Variants in PRUNE2 observed in about 807,000 individuals in gnomAD.
PRUNE2 encodes prune homolog 2 with BCH domain.
In PRUNE2, 164 loss-of-function variants were observed where a neutral mutation model predicts 252.0. That is an observed-to-expected ratio of 0.65 (90% CI 0.57 to 0.74). The LOEUF is 0.74. Ranked by LOEUF, PRUNE2 falls within the 30% of genes least tolerant of loss-of-function variation. The pLI is 0.00. For missense variants in PRUNE2, 3,495 were observed against 3,711.0 expected (o/e 0.94, Z 1.51); for synonymous variants, 1,292 against 1,350.2 (o/e 0.96, Z 0.94).
chr9:76,666,489 A>T (rs2040203211), intron 9 of PRUNE2, among the ~76,000 whole-genome samples: 1 of 152,176 alleles, frequency 6.6e-6, no homozygotes, highest in South Asian at 2.1e-4. Context: ...AAGTACTAAA[A>T]GTCTCTGATA....
intron 1 of PRUNE2, among the ~76,000 whole-genome samples, chr9:76,863,886 A>G: frequency 6.6e-6 from 1 of 152,326 alleles, no homozygotes; most frequent in African/African-American, 2.4e-5. Flanking sequence ...CAGCTTGGAG[A>G]TTTCTCAAAG....
At chr9:76,682,629 A>C (rs2043594730) in intron 9 of PRUNE2, among the ~76,000 whole-genome samples, 1 of 152,150 alleles carries the variant, frequency 6.6e-6, no homozygotes, top group Non-Finnish European at 1.5e-5. Context: ...TTAGCCTCCC[A>C]AAGTGCTGGG....
intron 5 of PRUNE2, among the ~76,000 whole-genome samples, chr9:76,826,049 C>G (rs2058327166): frequency 6.6e-6 from 1 of 152,170 alleles, no homozygotes; most frequent in African/African-American, 2.4e-5. Flanking sequence ...ATGAATTAAC[C>G]ACACATCCAG....
rs1349442580 is a variant in PRUNE2, at chr9:76,708,854, G to T, written c.3420C>A (p.Asp1140Glu). ...TGGGGATTGCCGCACCCCCACTGCA[G>T]TCATCCCAGTCCAAATCATTGTCCA... is the stretch of plus-strand genomic sequence containing the variant. Reference protein sequence around the residue: ...SDMDNDLDWDDCSGGAAIPSD... With the variant: ...SDMDNDLDWDECSGGAAIPSD... The change falls in exon 8 of 19, where the codon GAC (aspartate) becomes GAA (glutamate). Residue 1140 changes from aspartate to glutamate, a missense_variant. Coordinates refer to ENST00000376718, the MANE Select transcript of PRUNE2 (RefSeq NM_015225.3). 1 of 1,613,978 alleles carries T rather than the reference G, an allele frequency of 6.2e-7. No homozygotes were observed. Among genetic ancestry groups the T allele is most frequent in the African/African-American group, 1.3e-5 (1 of 75,034 alleles).
chr9:76,903,876 C>A (rs1033465988), intron 1 of PRUNE2, among the ~76,000 whole-genome samples: 7 of 152,332 alleles, frequency 4.6e-5, no homozygotes, highest in African/African-American at 1.7e-4. Context: ...GCGTGAGCCA[C>A]CACACCCGGC....
Position 76,702,745 on chromosome 9 carries a change from T to G in PRUNE2, c.8276+592A>C, listed in dbSNP as rs114807222. Among the ~76,000 whole-genome samples the G allele has an allele frequency of 7.7e-3, 1,180 of 152,326 alleles. 10 individuals are homozygous for G. The highest frequency in any genetic ancestry group is 0.026 in the African/African-American group (1,066 of 41,562). Reference sequence around the variant, plus strand: ...TCTTATCTAACTATAAGTTAGGTGCTTACATAAAACCAGAAAATGCCTTGT... The same window carrying G: ...TCTTATCTAACTATAAGTTAGGTGCGTACATAAAACCAGAAAATGCCTTGT... On this transcript the variant is annotated intron_variant, in intron 9 of 18. Transcript: ENST00000376718.
In PRUNE2 at chr9:76,707,904, G is replaced by C; in HGVS notation, c.4370C>G (p.Ser1457Cys). 1 of 1,613,864 alleles carries C rather than the reference G, an allele frequency of 6.2e-7. No individual in the cohort carries two copies. The highest frequency in any genetic ancestry group is 8.5e-7 in the Non-Finnish European group (1 of 1,179,824). Residue 1457 changes from serine (S) to cysteine (C), a missense_variant, in exon 8 of 19, where the codon TCT becomes TGT. Physicochemically the swap from Ser to Cys is moderately radical, Grantham distance 112. Coordinates refer to ENST00000376718, the MANE Select transcript of PRUNE2 (RefSeq NM_015225.3). ...TTTCTCAAGATCCTTTTCAGGTACA[G>C]ATACATATTTTGTGAAATTCATCCC... Reference protein sequence around the residue: ...SDGMNFTKYVSVPEKDLEKTE... With the variant: ...SDGMNFTKYVCVPEKDLEKTE...
Position 76,884,611 on chromosome 9 carries a change from T to C in PRUNE2, c.36+21317A>G, listed in dbSNP as rs551916274. ...AAGAACTGATTCTTGTTCCCCAACT[T>C]TCCACTGCCAGTGATCTCTTTCATT... On this transcript the variant is annotated intron_variant, in intron 1 of 18. Coordinates refer to ENST00000376718, the MANE Select transcript of PRUNE2 (RefSeq NM_015225.3). 2.0e-5 allele frequency among the ~76,000 whole-genome samples: 3 copies of C among 152,354 alleles called. No homozygotes were observed. In the South Asian group the frequency reaches 6.2e-4, roughly 32 times the overall value.
intron 6 of PRUNE2, among the ~76,000 whole-genome samples, chr9:76,752,370 T>TA (rs2050709938): frequency 6.6e-6 from 1 of 152,162 alleles, no homozygotes; most frequent in African/African-American, 2.4e-5. Flanking sequence ...GTGCTGGGAT[T>TA]ACAGGCGTGA....
chr9:76,624,216 A>G (rs1015212764), intron 17 of PRUNE2, among the ~76,000 whole-genome samples: 3 of 152,114 alleles, frequency 2.0e-5, no homozygotes, highest in African/African-American at 7.3e-5. Flanking sequence ...TTGCGTGTAC[A>G]TTAAAAAACA....
At chr9:76,821,747 C>G (rs1375326324) in intron 6 of PRUNE2, among the ~76,000 whole-genome samples, 1 of 152,124 alleles carries the variant, frequency 6.6e-6, no homozygotes, top group Non-Finnish European at 1.5e-5. Flanking sequence ...AAATTACTTT[C>G]AAGATTAAGA....
At chr9:76,733,515 C>T (rs896957157) in intron 6 of PRUNE2, 4 of 152,136 alleles carry the variant, frequency 2.6e-5, no homozygotes, top group African/African-American at 9.7e-5. Context: ...CCCCAGTGGT[C>T]CTCCCACCTC....
chr9:76,764,247 A>G lies in PRUNE2; in HGVS notation c.757-50526T>C, dbSNP rs140837762. On this transcript the variant is annotated intron_variant, in intron 6 of 18. Transcript: ENST00000376718. ...CAGAAAACAAACAAACAAATAAATA[A>G]ATAAATAAATAAATAAGATAATTTT... is the stretch of plus-strand genomic sequence containing the variant. 2.0e-4 allele frequency among the ~76,000 whole-genome samples: 30 copies of G among 151,802 alleles called. No homozygotes were observed. The East Asian group carries it at 5.2e-3, about 26-fold the overall frequency.
intron 6 of PRUNE2, among the ~76,000 whole-genome samples, chr9:76,817,483 A>C (rs1183328583): frequency 6.6e-6 from 1 of 152,160 alleles, no homozygotes; most frequent in Non-Finnish European, 1.5e-5. Flanking sequence ...CATGTGACTG[A>C]GCCAATGAAA....
intron 9 of PRUNE2, among the ~76,000 whole-genome samples, chr9:76,669,376 G>A (rs2040861281): frequency 6.6e-6 from 1 of 151,894 alleles, no homozygotes. Context: ...CTGGAGTGCA[G>A]TGGCGTGATC....
At chr9:76,630,007 G>A (rs1836783150) in intron 15 of PRUNE2, among the ~76,000 whole-genome samples, 1 of 152,076 alleles carries the variant, frequency 6.6e-6, no homozygotes, top group Non-Finnish European at 1.5e-5. Context: ...ATTAGTAAAT[G>A]GCAGAGCCTA....
intron 1 of PRUNE2, among the ~76,000 whole-genome samples, chr9:76,875,138 C>A (rs1473691644): frequency 6.6e-6 from 1 of 152,140 alleles, no homozygotes; most frequent in East Asian, 1.9e-4. Flanking sequence ...ACCAGCACCT[C>A]CCTCTACCTA....
At chr9:76,759,765 C>A (rs1432874784) in intron 6 of PRUNE2, 6 of 152,334 alleles carry the variant, frequency 3.9e-5, no homozygotes, top group Admixed American at 3.9e-4. Flanking sequence ...CTGGTTAACA[C>A]TTAAGCCATC....
At chr9:76,692,935 C>T (rs752605104) in intron 9 of PRUNE2, 5 of 151,814 alleles carry the variant, frequency 3.3e-5, no homozygotes, top group African/African-American at 4.8e-5. Flanking sequence ...GAGATTGCAT[C>T]GCTGCATTCC....
Sources: gnomAD v4.1 joint callset for allele counts (sites outside exome capture counted in the v4.1 genomes callset) on GRCh38, gnomAD v4.1.1 for gene constraint, MANE v1.5 for transcripts, NCBI Gene and HGNC (gene_info 2026-07-23, HGNC 2026-07-21) for gene names.